SLC9C1: variants seen among roughly 807,000 people sequenced by gnomAD.
SLC9C1 encodes the protein solute carrier family 9 member C1, also known as sodium/hydrogen exchanger 10.
A neutral mutation model predicts 140.9 loss-of-function variants in SLC9C1; 97 were observed. The ratio of observed to expected loss-of-function variants is 0.69; its 90% CI spans 0.58 to 0.82. The LOEUF (loss-of-function observed/expected upper bound fraction) is 0.82, where lower values mean the gene tolerates loss of function less well. SLC9C1 is among the 40% of genes least tolerant of loss of function. The probability of loss-of-function intolerance (pLI) is 0.00; values close to 1 mark genes in which losing one functional copy is unlikely to be tolerated. For synonymous variants in SLC9C1, 440 were observed against 442.6 expected (o/e 0.99, Z 0.07); for missense variants, 1,340 against 1,389.3 (o/e 0.96, Z 0.56).
chr3:112,208,237 C>A lies in SLC9C1; in HGVS notation c.1927G>T (p.Glu643Ter). 6.2e-7 allele frequency: 1 copy of A among 1,611,022 alleles called. No individual in the cohort carries two copies. The highest frequency in any genetic ancestry group is 1.1e-5 in the South Asian group (1 of 90,658). Residue 643 changes from glutamate (E) to a stop codon, truncating the protein, a stop_gained, in exon 16 of 29, where the codon GAA (glutamate) becomes TAA (stop). Transcript: ENST00000305815. LOFTEE classifies it high-confidence loss of function. ...ISQLNVIYHSELKHTNYCFLT... is the reference protein window; with the variant it reads ...ISQLNVIYHS Reference sequence around the variant, plus strand: ...AAACAGTAGTTAGTGTGTTTTAATTCGCTGTGGTAGATTACATTTAACTGG... The same window carrying A: ...AAACAGTAGTTAGTGTGTTTTAATTAGCTGTGGTAGATTACATTTAACTGG...
At chr3:112,161,963 T>C (rs1336732983) in intron 26 of SLC9C1, among the ~76,000 whole-genome samples, 1 of 152,048 alleles carries the variant, frequency 6.6e-6, no homozygotes, top group Non-Finnish European at 1.5e-5. Flanking sequence ...TGGTTTGTAG[T>C]TCTCCGTGAA....
At chr3:112,172,445 T>C (rs2107929345) in intron 23 of SLC9C1, among the ~76,000 whole-genome samples, 1 of 152,270 alleles carries the variant, frequency 6.6e-6, no homozygotes, top group South Asian at 2.1e-4. Flanking sequence ...TTATAAATTC[T>C]AGTTATTTTT....
At chr3:112,215,586 G>A (rs2078339052) in intron 15 of SLC9C1, among the ~76,000 whole-genome samples, 1 of 151,954 alleles carries the variant, frequency 6.6e-6, no homozygotes, top group Non-Finnish European at 1.5e-5. Flanking sequence ...GCCAAATCAT[G>A]AGTGAACTCC....
chr3:112,280,793 A>T lies in SLC9C1; in HGVS notation c.89-10T>A, dbSNP rs542790411. ...TGCCGGTTCAAAAATGCTGCAAAAA[A>T]TATGTTGTTACTGAAAGGCAATGAG... On this transcript the variant is annotated splice_polypyrimidine_tract_variant and intron_variant, in intron 2 of 28. Transcript: ENST00000305815. 8.1e-6 allele frequency: 13 copies of T among 1,607,828 alleles called. 1 individual carries two copies. In the South Asian group the frequency reaches 1.3e-4, roughly 17 times the overall value.
intron 10 of SLC9C1, among the ~76,000 whole-genome samples, chr3:112,249,772 G>A (rs1455185317): frequency 2.0e-5 from 3 of 152,098 alleles, no homozygotes; most frequent in African/African-American, 7.2e-5. Context: ...TTTCTGTGGG[G>A]TTGGTGGTAA....
At chr3:112,259,429 A>G (rs1165178248) in intron 10 of SLC9C1, among the ~76,000 whole-genome samples, 4 of 151,942 alleles carry the variant, frequency 2.6e-5, no homozygotes, top group Non-Finnish European at 5.9e-5. Flanking sequence ...AAAAAAAAAA[A>G]AAAGCAAAAA....
At chr3:112,192,726 T>C (rs1268488154) in intron 20 of SLC9C1, among the ~76,000 whole-genome samples, 1 of 152,188 alleles carries the variant, frequency 6.6e-6, no homozygotes, top group Non-Finnish European at 1.5e-5. Context: ...TTTGTTAAAC[T>C]TCTCACTTGA....
At chr3:112,219,179 T>C (rs1468412618) in intron 14 of SLC9C1, among the ~76,000 whole-genome samples, 1 of 152,170 alleles carries the variant, frequency 6.6e-6, no homozygotes, top group Admixed American at 6.5e-5. Flanking sequence ...TTAGCATAGG[T>C]CCTGGTGCTC....
rs75502735 is a variant in SLC9C1 at position 112,251,472 on chromosome 3, A to T, written c.1198-7396T>A. Among the ~76,000 whole-genome samples the T allele has an allele frequency of 1.1e-4, 17 of 152,266 alleles. No individual in the cohort carries two copies. The East Asian group carries it at 3.1e-3, about 28-fold the overall frequency. Reference sequence around the variant, plus strand: ...ACGTGGAGCCCTAGGTGCTTCAGATACTTGGGGTTCCCAGCAAAAGTGGCT... The same window carrying T: ...ACGTGGAGCCCTAGGTGCTTCAGATTCTTGGGGTTCCCAGCAAAAGTGGCT... On this transcript the variant is annotated intron_variant, in intron 10 of 28. Transcript: ENST00000305815.
chr3:112,159,696 C>A (rs1289955198), intron 26 of SLC9C1, among the ~76,000 whole-genome samples: 2 of 152,008 alleles, frequency 1.3e-5, no homozygotes, highest in Non-Finnish European at 2.9e-5. Context: ...GTCCACCTCT[C>A]CCTTTAGATC....
At chr3:112,154,888 C>G in intron 27 of SLC9C1, 109 bp downstream of exon 27, 1 of 993,860 alleles carries the variant, frequency 1.0e-6, no homozygotes, top group South Asian at 1.6e-5. Flanking sequence ...TACAAAATGA[C>G]TAGCAGATGA....
intron 13 of SLC9C1, among the ~76,000 whole-genome samples, chr3:112,231,126 C>A (rs1290853496): frequency 2.6e-5 from 2 of 75,684 alleles, no homozygotes; most frequent in Admixed American, 1.5e-4. Flanking sequence ...TCTTTCGTCT[C>A]TCTCTCTCTC....
At chr3:112,231,568 C>T in intron 12 of SLC9C1, 82 bp from the exon 13 acceptor site, 3 of 1,388,978 alleles carry the variant, frequency 2.2e-6, no homozygotes, top group Non-Finnish European at 2.9e-6. Flanking sequence ...AATTTTTGTA[C>T]CAGTTTGCAT....
At chr3:112,231,579 T>C in intron 12 of SLC9C1, 93 bp from the exon 13 acceptor site, 2 of 1,250,998 alleles carry the variant, frequency 1.6e-6, no homozygotes, top group Admixed American at 2.5e-5. Flanking sequence ...CAGTTTGCAT[T>C]GAAAAATGGT....
chr3:112,230,152 T>C (rs1345591386), intron 13 of SLC9C1, among the ~76,000 whole-genome samples: 1 of 152,182 alleles, frequency 6.6e-6, no homozygotes, highest in African/African-American at 2.4e-5. Context: ...TCTTCTACTC[T>C]GAAATCCTGG....
chr3:112,172,252 A>G (rs1054349237), intron 23 of SLC9C1, among the ~76,000 whole-genome samples: 6 of 152,080 alleles, frequency 3.9e-5, no homozygotes, highest in Non-Finnish European at 4.4e-5. Flanking sequence ...GTTATCTAGG[A>G]AATATTCTAT....
At chr3:112,164,955 G>A (rs1194148226) in intron 26 of SLC9C1, among the ~76,000 whole-genome samples, 1 of 152,140 alleles carries the variant, frequency 6.6e-6, no homozygotes, top group Non-Finnish European at 1.5e-5. Context: ...ATATTTCTTG[G>A]AGGCTTTATT....
At chr3:112,235,059 A>G (rs1257272777) in intron 12 of SLC9C1, among the ~76,000 whole-genome samples, 1 of 150,538 alleles carries the variant, frequency 6.6e-6, no homozygotes, top group Admixed American at 6.7e-5. Context: ...TCTATAAATT[A>G]CCTTGGGCAG....
rs1409793049 is a variant in SLC9C1 at position 112,185,632 on chromosome 3, C to T, written c.2524-3374G>A. On this transcript the variant is annotated intron_variant, in intron 20 of 28. Coordinates refer to ENST00000305815, the MANE Select transcript of SLC9C1 (RefSeq NM_183061.3). ...TCTCTCCCAAGGGGCAGGCTCCTGACCCGGAAAGCTCCTTGGCGGTCCAGT... is the reference window on the plus strand; with the variant it reads ...TCTCTCCCAAGGGGCAGGCTCCTGATCCGGAAAGCTCCTTGGCGGTCCAGT... 8.2e-6 allele frequency: 13 copies of T among 1,575,860 alleles called. No individual in the cohort carries two copies. In the African/African-American group the frequency reaches 9.4e-5, roughly 11 times the overall value.
Sources: gnomAD v4.1 joint callset for allele counts (sites outside exome capture counted in the v4.1 genomes callset) on GRCh38, gnomAD v4.1.1 for gene constraint, MANE v1.5 for transcripts, NCBI Gene and HGNC (gene_info 2026-07-23, HGNC 2026-07-21) for gene names.